Variants in COL15A1 observed in about 807,000 individuals in gnomAD.
COL15A1 encodes the protein collagen type XV alpha 1 chain, also known as collagen alpha-1(XV) chain.
Under a neutral mutation model 165.9 loss-of-function variants are expected in COL15A1, and 111 were observed. That is an observed-to-expected ratio of 0.67 (90% CI 0.57 to 0.78). COL15A1 has a LOEUF of 0.78. COL15A1 is among the 30% of genes least tolerant of loss of function. The pLI, the probability that COL15A1 is intolerant of heterozygous loss-of-function variation, is 0.00. For synonymous variants in COL15A1, 659 were observed against 674.8 expected (o/e 0.98, Z 0.36); for missense variants, 1,745 against 1,789.7 (o/e 0.98, Z 0.45).
chr9:99,001,195 T>C (rs10819566), intron 7 of COL15A1, among the ~76,000 whole-genome samples: 70,639 of 151,990 alleles, frequency 0.46, 17,281 homozygotes, highest in East Asian at 0.65. Flanking sequence ...TTGCCTGTGA[T>C]GAGCGAGCGT....
intron 5 of COL15A1, among the ~76,000 whole-genome samples, chr9:98,993,429 G>T (rs374577815): frequency 5.4e-4 from 82 of 152,310 alleles, no homozygotes; most frequent in East Asian, 3.9e-3. Flanking sequence ...TAAGGGGATT[G>T]CCCTGGGCTG....
intron 6 of COL15A1, among the ~76,000 whole-genome samples, chr9:98,998,275 A>G (rs34007689): frequency 0.029 from 4,391 of 152,316 alleles, 88 homozygotes; most frequent in Non-Finnish European, 0.044. Flanking sequence ...AGTCTTCTAC[A>G]ATAATACATA....
In COL15A1 at chr9:99,038,725, G is replaced by A. The variant is rs576869330; in HGVS notation, c.2467G>A (p.Gly823Arg). 46 of 1,605,784 alleles carry A rather than the reference G, an allele frequency of 2.9e-5. No homozygotes were observed. The South Asian group carries it at 4.4e-4, about 15-fold the overall frequency. ...MNFSDIPELV[G>R]PPGPDGLPGL... ...TTTCTCGGACATTCCTGAGCTGGTG[G>A]GGCCTCCGGTTGGTATCTACAGCTG... Residue 823 changes from glycine (G) to arginine (R), a missense_variant, in exon 22 of 42, where the codon GGG becomes AGG. Physicochemically the swap from Gly to Arg is moderately radical, Grantham distance 125. Coordinates refer to ENST00000375001, the MANE Select transcript of COL15A1 (RefSeq NM_001855.5).
At chr9:98,984,592 C>G (rs534615427) in intron 2 of COL15A1, among the ~76,000 whole-genome samples, 12 of 152,252 alleles carry the variant, frequency 7.9e-5, no homozygotes, top group Middle Eastern at 3.4e-3. Context: ...GTATGCAGAG[C>G]GCTTAGAGCA....
chr9:98,965,596 C>T (rs1244535698), intron 2 of COL15A1, among the ~76,000 whole-genome samples: 1 of 152,162 alleles, frequency 6.6e-6, no homozygotes, highest in Admixed American at 6.5e-5. Context: ...CCCATTTCTC[C>T]CATCCTTGGA....
chr9:98,969,835 G>C (rs1466613195), intron 2 of COL15A1, among the ~76,000 whole-genome samples: 1 of 152,232 alleles, frequency 6.6e-6, no homozygotes, highest in Admixed American at 6.5e-5. Context: ...GGATTTGATA[G>C]CTGGGTGCCC....
intron 2 of COL15A1, among the ~76,000 whole-genome samples, chr9:98,980,386 C>G (rs767488682): frequency 3.3e-5 from 5 of 152,116 alleles, no homozygotes; most frequent in Non-Finnish European, 7.3e-5. Context: ...GGAGGTGAAG[C>G]GAGATTTCAG....
chr9:99,024,722 T>G (rs1839091053), intron 14 of COL15A1, 152 bp from the exon 15 acceptor site: 1 of 744,176 alleles, frequency 1.3e-6, no homozygotes, highest in South Asian at 2.0e-5. Context: ...TCGCATGGTC[T>G]CACTGAGCCT....
chr9:98,992,543 A>AG (rs1275601541), intron 5 of COL15A1, among the ~76,000 whole-genome samples: 2 of 152,170 alleles, frequency 1.3e-5, no homozygotes, highest in African/African-American at 4.8e-5. Flanking sequence ...CAACCCAGAG[A>AG]GGGGCTCCCA....
chr9:98,969,902 A>C (rs1187972332), intron 2 of COL15A1, among the ~76,000 whole-genome samples: 2 of 152,210 alleles, frequency 1.3e-5, no homozygotes, highest in African/African-American at 4.8e-5. Context: ...AATTGGGAAC[A>C]AAAAGAGTGG....
intron 21 of COL15A1, among the ~76,000 whole-genome samples, chr9:99,037,127 TGGA>T (rs1839315904): frequency 6.6e-6 from 1 of 152,146 alleles, no homozygotes; most frequent in Non-Finnish European, 1.5e-5. Context: ...TCCACACAAA[TGGA>T]GGAAAGCATC....
At chr9:98,988,034 T>C (rs985731086) in intron 4 of COL15A1, among the ~76,000 whole-genome samples, 1 of 152,180 alleles carries the variant, frequency 6.6e-6, no homozygotes, top group African/African-American at 2.4e-5. Context: ...AGGGAGCAGG[T>C]GATGCCTGAC....
At chr9:99,037,879 G>C (rs1029027039) in intron 21 of COL15A1, among the ~76,000 whole-genome samples, 1 of 152,196 alleles carries the variant, frequency 6.6e-6, no homozygotes, top group Non-Finnish European at 1.5e-5. Context: ...AATGTGGTGT[G>C]CTCCAGGTCG....
intron 2 of COL15A1, among the ~76,000 whole-genome samples, chr9:98,959,481 G>A (rs568647125): frequency 6.6e-6 from 1 of 152,212 alleles, no homozygotes; most frequent in South Asian, 2.1e-4. Flanking sequence ...GACATAAACT[G>A]AGCTGCATAC....
At chr9:99,026,555 C>G (rs573213399) in intron 16 of COL15A1, among the ~76,000 whole-genome samples, 3 of 152,384 alleles carry the variant, frequency 2.0e-5, no homozygotes, top group African/African-American at 7.2e-5. Context: ...CACAAGCTGC[C>G]TCTGTAGTGC....
chr9:98,945,524 C>T (rs1205899541), intron 2 of COL15A1, among the ~76,000 whole-genome samples: 4 of 136,270 alleles, frequency 2.9e-5, no homozygotes, highest in Admixed American at 1.5e-4. Flanking sequence ...AACCTCTAGT[C>T]GGCCCAAAGG....
chr9:99,007,042 T>A (rs943664884), intron 9 of COL15A1, among the ~76,000 whole-genome samples: 4 of 152,200 alleles, frequency 2.6e-5, no homozygotes, highest in Admixed American at 6.5e-5. Flanking sequence ...AATCAATATA[T>A]GTAAGGTGTA....
At position 99,007,740 on chromosome 9, in the gene COL15A1, G is replaced by A. The variant is rs567176015; in HGVS notation, c.1353+2690G>A. Among the ~76,000 whole-genome samples, 19 of 152,280 alleles carry A rather than the reference G, an allele frequency of 1.2e-4. No individual in the cohort carries two copies. In the South Asian group the frequency reaches 3.9e-3, roughly 32 times the overall value. On this transcript the variant is annotated intron_variant, in intron 9 of 41. Transcript: ENST00000375001. ...GCTGTTATTTTCCTCTGAAGTTTAA[G>A]TTGTCTAGCTTCAGTTTGCAGGGCT...
chr9:98,953,241 T>C (rs1255614822), intron 2 of COL15A1, among the ~76,000 whole-genome samples: 1 of 152,146 alleles, frequency 6.6e-6, no homozygotes, highest in Non-Finnish European at 1.5e-5. Flanking sequence ...GGAGCTAAGG[T>C]GGTATCAGAG....
Sources: gnomAD v4.1 joint callset for allele counts (sites outside exome capture counted in the v4.1 genomes callset) on GRCh38, gnomAD v4.1.1 for gene constraint, MANE v1.5 for transcripts, NCBI Gene and HGNC (gene_info 2026-07-23, HGNC 2026-07-21) for gene names.